LRRTM4: variants seen among roughly 807,000 people sequenced by gnomAD.
LRRTM4 encodes the protein leucine-rich repeat transmembrane neuronal protein 4.
Under a neutral mutation model 47.6 loss-of-function variants are expected in LRRTM4, and 25 were observed. The ratio of observed to expected loss-of-function variants is 0.53; its 90% CI spans 0.38 to 0.73. LRRTM4 has a LOEUF of 0.73. Among genes scored for constraint, LRRTM4 ranks in the 30% least tolerant of loss-of-function variants. The probability of loss-of-function intolerance (pLI) is 0.00; values close to 1 mark genes in which losing one functional copy is unlikely to be tolerated. For missense variants in LRRTM4, 638 were observed against 713.4 expected (o/e 0.89, Z 1.20); for synonymous variants, 311 against 269.5 (o/e 1.15, Z -1.51).
chr2:77,087,084 A>T (rs962668703), intron 3 of LRRTM4, among the ~76,000 whole-genome samples: 2 of 152,158 alleles, frequency 1.3e-5, no homozygotes, highest in Non-Finnish European at 2.9e-5. Flanking sequence ...AACTAAAGCA[A>T]CCAGTGTATA....
intron 3 of LRRTM4, among the ~76,000 whole-genome samples, chr2:77,080,574 C>G (rs954701932): frequency 6.6e-6 from 1 of 152,180 alleles, no homozygotes; most frequent in African/African-American, 2.4e-5. Flanking sequence ...TTTCTGGAAT[C>G]TACTTTATCT....
chr2:77,004,640 G>A (rs1677567101), intron 3 of LRRTM4, among the ~76,000 whole-genome samples: 1 of 152,092 alleles, frequency 6.6e-6, no homozygotes, highest in Non-Finnish European at 1.5e-5. Context: ...ACTGTCTATT[G>A]GATCTGTGAG....
intron 3 of LRRTM4, among the ~76,000 whole-genome samples, chr2:77,515,447 T>A (rs1198149446): frequency 2.0e-5 from 3 of 151,858 alleles, no homozygotes; most frequent in African/African-American, 7.2e-5. Flanking sequence ...ATTTAGGTCA[T>A]GGTAACTGAA....
At chr2:77,333,545 C>T (rs1305343252) in intron 3 of LRRTM4, among the ~76,000 whole-genome samples, 2 of 152,142 alleles carry the variant, frequency 1.3e-5, no homozygotes, top group Non-Finnish European at 2.9e-5. Flanking sequence ...AAGCCCCAAG[C>T]CTTGGCAGCT....
At chr2:77,263,825 G>T (rs1359376010) in intron 3 of LRRTM4, among the ~76,000 whole-genome samples, 1 of 151,870 alleles carries the variant, frequency 6.6e-6, no homozygotes, top group Non-Finnish European at 1.5e-5. Flanking sequence ...TTACTTGCTT[G>T]TATGTTTTTA....
chr2:76,807,438 G>GA (rs1670538604), intron 3 of LRRTM4, among the ~76,000 whole-genome samples: 1 of 65,192 alleles, frequency 1.5e-5, no homozygotes, highest in Non-Finnish European at 2.9e-5. Flanking sequence ...ATATATATAC[G>GA]TATATACATA....
chr2:77,125,509 TG>T (rs1400869363), intron 3 of LRRTM4, among the ~76,000 whole-genome samples: 2 of 152,112 alleles, frequency 1.3e-5, no homozygotes, highest in Non-Finnish European at 2.9e-5. Flanking sequence ...AAACCTCCTT[TG>T]TCATTAGGAT....
chr2:77,080,022 T>C (rs1680480517), intron 3 of LRRTM4, among the ~76,000 whole-genome samples: 1 of 152,206 alleles, frequency 6.6e-6, no homozygotes, highest in African/African-American at 2.4e-5. Context: ...TGCAATTCTT[T>C]TATTTTCATT....
chr2:76,748,605 G>T lies in LRRTM4; in HGVS notation c.*90C>A, dbSNP rs563144681. 3.0e-6 allele frequency: 3 copies of T among 1,008,128 alleles called. No individual in the cohort carries two copies. The highest frequency in any genetic ancestry group is 3.0e-6 in the Non-Finnish European group (2 of 665,316). 62.4% of individuals were successfully genotyped at this position (1,008,128 alleles called of 1,614,324 possible). A position where few individuals can be genotyped will look rare whatever the true frequency, so the allele number is the denominator to read the frequency against. The stretch of plus-strand genomic sequence containing the variant: ...TTTAACAGGAACGATGAGCTTGCTC[G>T]ATTGCGCGATTGTGGACACCCATTC... On this transcript the variant is annotated 3_prime_UTR_variant, in exon 4 of 4. Transcript: ENST00000409884.
chr2:76,777,380 C>T (rs1210069553), intron 3 of LRRTM4, among the ~76,000 whole-genome samples: 3 of 143,842 alleles, frequency 2.1e-5, no homozygotes, highest in Admixed American at 6.9e-5. Context: ...ATTGATTCTT[C>T]CTACCCATGA....
At chr2:77,148,820 G>A (rs1377165601) in intron 3 of LRRTM4, among the ~76,000 whole-genome samples, 1 of 152,122 alleles carries the variant, frequency 6.6e-6, no homozygotes, top group Non-Finnish European at 1.5e-5. Context: ...CAAAAGTTAG[G>A]AAGTAAAGAA....
intron 3 of LRRTM4, among the ~76,000 whole-genome samples, chr2:76,893,288 G>C (rs566252117): frequency 6.6e-6 from 1 of 151,540 alleles, no homozygotes; most frequent in Admixed American, 6.6e-5. Flanking sequence ...ATTTTCAAAA[G>C]TTATATCCAA....
intron 3 of LRRTM4, among the ~76,000 whole-genome samples, chr2:76,801,361 G>A (rs894857385): frequency 2.9e-4 from 44 of 152,058 alleles, no homozygotes; most frequent in Non-Finnish European, 5.6e-4. Context: ...CACGTCCTTT[G>A]TAGGGACATG....
At chr2:76,815,814 A>C (rs1670880455) in intron 3 of LRRTM4, among the ~76,000 whole-genome samples, 1 of 152,168 alleles carries the variant, frequency 6.6e-6, no homozygotes, top group African/African-American at 2.4e-5. Context: ...CAAAACATAA[A>C]GGAATACAAA....
At chr2:77,247,916 A>T (rs1675492763) in intron 3 of LRRTM4, among the ~76,000 whole-genome samples, 1 of 150,764 alleles carries the variant, frequency 6.6e-6, no homozygotes, top group South Asian at 2.1e-4. Flanking sequence ...GATGTTTAAT[A>T]ATATGGTATA....
Position 77,411,368 on chromosome 2 carries a change from C to G in LRRTM4, c.1551+106950G>C, listed in dbSNP as rs183860412. Among the ~76,000 whole-genome samples, 236 of 151,538 alleles carry G rather than the reference C, an allele frequency of 1.6e-3. 1 individual carries two copies. The highest frequency in any genetic ancestry group is 2.7e-3 in the Non-Finnish European group (181 of 67,836). On this transcript the variant is annotated intron_variant, in intron 3 of 3. Coordinates refer to ENST00000409884, the MANE Select transcript of LRRTM4 (RefSeq NM_001134745.3). ...ACCAAGTATTGGATGCCGGGGTCTT[C>G]GATTTCTTTCTTTCTTTCTCTCTTT...
chr2:76,972,712 G>A (rs1378682078), intron 3 of LRRTM4, among the ~76,000 whole-genome samples: 3 of 151,896 alleles, frequency 2.0e-5, no homozygotes, highest in Non-Finnish European at 4.4e-5. Flanking sequence ...GATCCACAAC[G>A]CCCAGCCTGA....
At chr2:76,996,646 A>T (rs1252705654) in intron 3 of LRRTM4, among the ~76,000 whole-genome samples, 1 of 152,168 alleles carries the variant, frequency 6.6e-6, no homozygotes, top group Non-Finnish European at 1.5e-5. Flanking sequence ...GAAAAATGTC[A>T]TAAGCATTTA....
At chr2:76,943,747 C>CCT (rs1675231340) in intron 3 of LRRTM4, among the ~76,000 whole-genome samples, 1 of 152,154 alleles carries the variant, frequency 6.6e-6, no homozygotes, top group Admixed American at 6.5e-5. Context: ...ATCTACTTCT[C>CCT]CTCTATTATG....
Sources: gnomAD v4.1 joint callset for allele counts (sites outside exome capture counted in the v4.1 genomes callset) on GRCh38, gnomAD v4.1.1 for gene constraint, MANE v1.5 for transcripts, NCBI Gene and HGNC (gene_info 2026-07-23, HGNC 2026-07-21) for gene names.